The following ANO3 variants were observed in gnomAD, a reference collection of about 807,000 sequenced individuals.
ANO3 encodes anoctamin 3, also known as anoctamin-3.
Under a neutral mutation model 144.8 loss-of-function variants are expected in ANO3, and 99 were observed. The ratio of observed to expected loss-of-function variants is 0.68; its 90% CI spans 0.58 to 0.81. The LOEUF (loss-of-function observed/expected upper bound fraction) is 0.81, where lower values mean the gene tolerates loss of function less well. Ranked by LOEUF, ANO3 falls within the 30% of genes least tolerant of loss-of-function variation. The pLI, the probability that ANO3 is intolerant of heterozygous loss-of-function variation, is 0.00. For synonymous variants in ANO3, 414 were observed against 392.6 expected, an observed-to-expected ratio of 1.05 and a Z score of -0.64; for missense variants, 905 against 1,202.2, an observed-to-expected ratio of 0.75 and a Z score of 3.66.
chr11:26,207,427 C>T (rs983155851), intron 1 of ANO3, among the ~76,000 whole-genome samples: 18 of 152,064 alleles, frequency 1.2e-4, no homozygotes, highest in African/African-American at 4.3e-4. Flanking sequence ...GGTTTGCATT[C>T]ACATATTTCT....
At chr11:26,513,674 A>T (rs1861753404) in intron 5 of ANO3, among the ~76,000 whole-genome samples, 1 of 152,138 alleles carries the variant, frequency 6.6e-6, no homozygotes, top group South Asian at 2.1e-4. Flanking sequence ...CTCCTGAAAA[A>T]TTATTTCTTG....
chr11:26,295,706 G>T (rs920318743), intron 1 of ANO3, among the ~76,000 whole-genome samples: 1 of 152,054 alleles, frequency 6.6e-6, no homozygotes, highest in East Asian at 1.9e-4. Context: ...TCCATCAGTT[G>T]TCAAATCAGA....
intron 24 of ANO3, among the ~76,000 whole-genome samples, chr11:26,650,029 A>AG (rs1352857209): frequency 6.6e-6 from 1 of 152,156 alleles, no homozygotes; most frequent in Non-Finnish European, 1.5e-5. Flanking sequence ...TTATGTAGAT[A>AG]GCGCCTGCCT....
At chr11:26,561,209 A>G in intron 14 of ANO3, 2 of 1,607,584 alleles carry the variant, frequency 1.2e-6, no homozygotes, top group Non-Finnish European at 1.7e-6. Flanking sequence ...GTTCCGGTGC[A>G]TTGTCTAATC....
At chr11:26,358,120 C>G (rs1289992945) in intron 1 of ANO3, among the ~76,000 whole-genome samples, 1 of 145,364 alleles carries the variant, frequency 6.9e-6, no homozygotes, top group East Asian at 2.0e-4. Flanking sequence ...ATTTTAATGT[C>G]TTTTTAGCTA....
rs753301751 is a variant in ANO3 at position 26,567,008 on chromosome 11, T to C, written c.1447+7229T>C. 13 of 1,417,130 alleles carry C rather than the reference T, an allele frequency of 9.2e-6. 1 individual carries two copies. In the South Asian group the frequency reaches 2.0e-4, roughly 22 times the overall value. The allele number at this position is 1,417,130 out of a possible 1,614,324, so 87.8% of individuals were successfully genotyped here. A position where few individuals can be genotyped will look rare whatever the true frequency, so the allele number is the denominator to read the frequency against. On this transcript the variant is annotated intron_variant, in intron 14 of 26. Transcript: ENST00000256737. ...AATATAATAATATATCTATAGTGTCTTTTTGGTTACAAAGTTTACAGTATC... is the reference window on the plus strand; with the variant it reads ...AATATAATAATATATCTATAGTGTCCTTTTGGTTACAAAGTTTACAGTATC...
intron 1 of ANO3, among the ~76,000 whole-genome samples, chr11:26,431,954 T>C (rs906585727): frequency 6.6e-6 from 1 of 152,264 alleles, no homozygotes; most frequent in Middle Eastern, 3.4e-3. Context: ...TAGTAATTCT[T>C]TTTTTTAGCT....
At chr11:26,649,761 C>A (rs1450730182) in intron 24 of ANO3, among the ~76,000 whole-genome samples, 2 of 152,106 alleles carry the variant, frequency 1.3e-5, no homozygotes, top group East Asian at 3.9e-4. Context: ...TATTCATAGC[C>A]CTTATGATTA....
At chr11:26,420,388 C>G (rs533238091) in intron 1 of ANO3, among the ~76,000 whole-genome samples, 188 of 152,118 alleles carry the variant, frequency 1.2e-3, no homozygotes, top group Non-Finnish European at 2.0e-3. Context: ...ATTTGTGCCT[C>G]CAGATTCATC....
At chr11:26,462,893 C>T (rs1859464106) in intron 3 of ANO3, 137 bp from the exon 4 acceptor site, 3 of 419,610 alleles carry the variant, frequency 7.1e-6, no homozygotes, top group African/African-American at 2.1e-5. Context: ...AAAATTATGC[C>T]ACACAAATTT....
At chr11:26,253,027 A>T (rs12222558) in intron 1 of ANO3, among the ~76,000 whole-genome samples, 2 of 152,182 alleles carry the variant, frequency 1.3e-5, no homozygotes, top group African/African-American at 4.8e-5. Context: ...CCATCCTGTC[A>T]GGCATGGAGA....
chr11:26,452,973 T>C (rs1478610278), intron 3 of ANO3, among the ~76,000 whole-genome samples: 15 of 152,168 alleles, frequency 9.9e-5, no homozygotes, highest in South Asian at 2.1e-4. Context: ...CATATCCAGC[T>C]AAACTAAGCT....
intron 1 of ANO3, among the ~76,000 whole-genome samples, chr11:26,353,811 G>A (rs1405645125): frequency 6.6e-6 from 1 of 151,902 alleles, no homozygotes; most frequent in African/African-American, 2.4e-5. Flanking sequence ...CTCGTGATCC[G>A]CCTGCCTCAG....
intron 1 of ANO3, among the ~76,000 whole-genome samples, chr11:26,192,490 C>T (rs534219393): frequency 1.1e-4 from 17 of 152,034 alleles, no homozygotes; most frequent in East Asian, 1.9e-4. Flanking sequence ...AATTTAACCA[C>T]GTATGTCTAA....
chr11:26,627,852 TGTGC>T (rs879809685), intron 18 of ANO3, among the ~76,000 whole-genome samples: 1,799 of 137,170 alleles, frequency 0.013, 27 homozygotes, highest in Admixed American at 0.02. Flanking sequence ...TGTGTGTGTG[TGTGC>T]GCCTGACATT....
In ANO3 at chr11:26,634,924, A is replaced by C. The variant is rs577390716; in HGVS notation, c.1986-89A>C. 3 of 1,029,368 alleles carry C rather than the reference A, an allele frequency of 2.9e-6. No homozygotes were observed. The South Asian group carries it at 4.1e-5, about 14-fold the overall frequency. 63.8% of individuals were successfully genotyped at this position (1,029,368 alleles called of 1,614,324 possible). Reference sequence around the variant, plus strand: ...ATTGCACCAGTGAGCGTTTATGTCTACCCACACATGCACTCGTTGTGATGC... The same window carrying C: ...ATTGCACCAGTGAGCGTTTATGTCTCCCCACACATGCACTCGTTGTGATGC... On this transcript the variant is annotated intron_variant, in intron 19 of 26. Coordinates refer to ENST00000256737, the MANE Select transcript of ANO3 (RefSeq NM_031418.4).
At chr11:26,555,438 G>C (rs906861037) in intron 13 of ANO3, among the ~76,000 whole-genome samples, 1 of 152,172 alleles carries the variant, frequency 6.6e-6, no homozygotes, top group African/African-American at 2.4e-5. Flanking sequence ...GAGTGATAAA[G>C]TAAGGAAGCC....
At chr11:26,584,645 A>C (rs1467072580) in intron 14 of ANO3, among the ~76,000 whole-genome samples, 1 of 152,236 alleles carries the variant, frequency 6.6e-6, no homozygotes, top group African/African-American at 2.4e-5. Flanking sequence ...TGTAGTAAAA[A>C]TCATGTATAA....
chr11:26,207,590 C>T (rs533953061), intron 1 of ANO3, among the ~76,000 whole-genome samples: 26 of 151,988 alleles, frequency 1.7e-4, no homozygotes, highest in South Asian at 4.1e-4. Flanking sequence ...ATCCTCGTAA[C>T]GACCAAATGA....
Sources: allele counts gnomAD v4.1 joint callset (sites outside exome capture counted in the v4.1 genomes callset), GRCh38; gene constraint gnomAD v4.1.1; transcripts MANE v1.5; gene names NCBI Gene and HGNC (gene_info 2026-07-23, HGNC 2026-07-21).